NMT1: variants seen among roughly 807,000 people sequenced by gnomAD.
NMT1 encodes the protein N-myristoyltransferase 1.
Under a neutral mutation model 63.4 loss-of-function variants are expected in NMT1, and 12 were observed. That is an observed-to-expected ratio of 0.19 (90% CI 0.12 to 0.31). The LOEUF (loss-of-function observed/expected upper bound fraction) is 0.31, where lower values mean the gene tolerates loss of function less well. Ranked by LOEUF, NMT1 falls within the 10% of genes least tolerant of loss-of-function variation. NMT1 has a pLI of 1.00. For missense variants in NMT1, 432 were observed against 634.6 expected, an observed-to-expected ratio of 0.68 and a Z score of 3.43; for synonymous variants, 228 against 234.3, an observed-to-expected ratio of 0.97 and a Z score of 0.25.
At chr17:45,084,336 C>CT (rs59845744) in intron 2 of NMT1, among the ~76,000 whole-genome samples, 136,065 of 141,196 alleles carry the variant, frequency 0.96, 65,757 homozygotes, top group East Asian at 0.99. Flanking sequence ...GCTTGGTAAA[C>CT]TTTTTTTTTT....
intron 3 of NMT1, among the ~76,000 whole-genome samples, chr17:45,088,003 C>T (rs2054065483): frequency 1.3e-5 from 2 of 152,236 alleles, no homozygotes; most frequent in African/African-American, 4.8e-5. Context: ...GATTTCTGTC[C>T]ACTTTGAAAG....
At chr17:45,079,457 T>A (rs1486883642) in intron 1 of NMT1, among the ~76,000 whole-genome samples, 1 of 152,050 alleles carries the variant, frequency 6.6e-6, no homozygotes, top group Non-Finnish European at 1.5e-5. Context: ...ACACCTGTAA[T>A]CCCAGCACTT....
Position 45,080,959 on chromosome 17 carries a change from G to C in NMT1, c.132-685G>C, listed in dbSNP as rs140756501. 8.7e-4 allele frequency among the ~76,000 whole-genome samples: 133 copies of C among 152,152 alleles called. 1 individual carries two copies. The highest frequency in any genetic ancestry group is 2.9e-3 in the African/African-American group (122 of 41,510). On this transcript the variant is annotated intron_variant, in intron 1 of 11. Coordinates refer to ENST00000258960, the MANE Select transcript of NMT1 (RefSeq NM_021079.5). Reference sequence around the variant, plus strand: ...ATGTTTATATTTTTAGTAGAAACAGGGTTTTGCCATGTTGGCCAGTCTGGC... The same window carrying C: ...ATGTTTATATTTTTAGTAGAAACAGCGTTTTGCCATGTTGGCCAGTCTGGC...
intron 1 of NMT1, 37 bp downstream of exon 1, chr17:45,061,497 T>A (rs762254129): frequency 6.3e-7 from 1 of 1,594,824 alleles, no homozygotes; most frequent in Non-Finnish European, 8.6e-7. Context: ...CCGTCCAGCC[T>A]CCCACAACCT....
intron 1 of NMT1, among the ~76,000 whole-genome samples, chr17:45,068,044 C>T (rs1367175532): frequency 6.6e-6 from 1 of 152,200 alleles, no homozygotes; most frequent in Non-Finnish European, 1.5e-5. Context: ...TTAACTCTTT[C>T]TCTTCAGCTT....
rs1422769066 is a variant in NMT1, at chr17:45,098,488, G to C, written c.820G>C (p.Glu274Gln). ...IREITRRVHL[E>Q]GIFQAVYTAG... is the part of the protein sequence containing the mutation. ...AGAGATCACCAGGCGGGTTCACCTG[G>C]AGGGCATCTTCCAAGCAGTTTACAC... Residue 274 changes from glutamate (E) to glutamine (Q), a missense_variant, in exon 7 of 12, where the codon GAG becomes CAG. Transcript: ENST00000258960. 6.2e-7 allele frequency: 1 copy of C among 1,614,108 alleles called. No individual in the cohort carries two copies. Among genetic ancestry groups the C allele is most frequent in the Admixed American group, 1.7e-5 (1 of 60,000 alleles).
At chr17:45,061,910 T>G (rs2053864931) in intron 1 of NMT1, 1 of 154,564 alleles carries the variant, frequency 6.5e-6, no homozygotes. Context: ...CTATACAAAC[T>G]GTATGTATAA....
chr17:45,061,458 G>A lies in NMT1; in HGVS notation c.129G>A (p.Arg43=), dbSNP rs143955814. ...ATGAGGAGGACAACAGCTACAACCGGGGGTAACGAAATCCTCGGAGTCCAA... is the reference window on the plus strand; with the variant it reads ...ATGAGGAGGACAACAGCTACAACCGAGGGTAACGAAATCCTCGGAGTCCAA... ...CENEEDNSYN[R]GGLSPANDTG... is the part of the protein sequence containing the mutation. The change falls in exon 1 of 12, where the codon CGG becomes CGA. Residue 43 remains arginine, a splice_region_variant and synonymous_variant. Coordinates refer to ENST00000258960, the MANE Select transcript of NMT1 (RefSeq NM_021079.5). 99 of 1,612,162 alleles carry A rather than the reference G, an allele frequency of 6.1e-5. No individual in the cohort carries two copies. The highest frequency in any genetic ancestry group is 8.1e-5 in the Non-Finnish European group (95 of 1,179,332).
At chr17:45,089,750 C>T (rs2054076453) in intron 3 of NMT1, among the ~76,000 whole-genome samples, 1 of 151,994 alleles carries the variant, frequency 6.6e-6, no homozygotes, top group Non-Finnish European at 1.5e-5. Flanking sequence ...GCAATCCTCC[C>T]ACCTTAGCCT....
At chr17:45,072,069 T>C (rs1234269544) in intron 1 of NMT1, among the ~76,000 whole-genome samples, 1 of 152,026 alleles carries the variant, frequency 6.6e-6, no homozygotes, top group East Asian at 1.9e-4. Flanking sequence ...CTGGGCAACA[T>C]AGAGAAACTT....
chr17:45,071,728 T>G (rs2053940393), intron 1 of NMT1, among the ~76,000 whole-genome samples: 1 of 152,164 alleles, frequency 6.6e-6, no homozygotes, highest in Non-Finnish European at 1.5e-5. Context: ...TGTGCTTTAT[T>G]TACTTATTAG....
chr17:45,099,920 G>GC, intron 8 of NMT1: 1 of 160,966 alleles, frequency 6.2e-6, no homozygotes, highest in East Asian at 1.8e-4. Context: ...CAGGTAAAGG[G>GC]TGACCTGAGC....
At chr17:45,094,883 G>A (rs2054113983) in intron 4 of NMT1, among the ~76,000 whole-genome samples, 1 of 149,898 alleles carries the variant, frequency 6.7e-6, no homozygotes, top group Non-Finnish European at 1.5e-5. Context: ...CGCGATCTTG[G>A]CTTACCCCAA....
intron 2 of NMT1, among the ~76,000 whole-genome samples, chr17:45,082,922 C>A (rs2054025890): frequency 6.6e-6 from 1 of 152,082 alleles, no homozygotes; most frequent in South Asian, 2.1e-4. Flanking sequence ...GAGGACAAGG[C>A]AGGAGAATCG....
rs2054195995 is a variant in NMT1 at position 45,105,423 on chromosome 17, T to C, written c.1471-196T>C. ...AGGGGTGAGCTGGAGCGTGGGCCAG[T>C]TTTCCCTGGGAGGTCTGATGGACGT... On this transcript the variant is annotated intron_variant, in intron 11 of 11. Transcript: ENST00000258960. The surrounding 1 kb of genome is among the most constrained non-coding windows in gnomAD (Gnocchi z 4.2). Among the ~76,000 whole-genome samples the C allele has an allele frequency of 6.6e-6, 1 of 152,072 alleles. No individual in the cohort carries two copies. Among genetic ancestry groups the C allele is most frequent in the African/African-American group, 2.4e-5 (1 of 41,398 alleles).
chr17:45,088,530 G>A (rs984636393), intron 3 of NMT1, among the ~76,000 whole-genome samples: 3 of 152,166 alleles, frequency 2.0e-5, no homozygotes, highest in African/African-American at 4.8e-5. Context: ...CGAGGCAGGC[G>A]GATGACCTGA....
intron 1 of NMT1, among the ~76,000 whole-genome samples, chr17:45,069,222 G>C (rs2053923764): frequency 6.7e-6 from 1 of 149,826 alleles, no homozygotes; most frequent in Admixed American, 6.7e-5. Context: ...TCCTCCCAAA[G>C]TGCTGGGATT....
chr17:45,081,059 C>T (rs1334720838), intron 1 of NMT1, among the ~76,000 whole-genome samples: 2 of 152,230 alleles, frequency 1.3e-5, no homozygotes, highest in African/African-American at 2.4e-5. Flanking sequence ...TGAGCTACCA[C>T]GCCTGGCTGA....
chr17:45,104,626 AC>A lies in NMT1; in HGVS notation c.1333-232del. The A allele has an allele frequency of 7.3e-7, 1 of 1,367,640 alleles. No individual in the cohort carries two copies. The highest frequency in any genetic ancestry group is 1.7e-5 in the South Asian group (1 of 59,620). The allele number at this position is 1,367,640 out of a possible 1,614,324, so 84.7% of individuals were successfully genotyped here. On this transcript the variant is annotated intron_variant, in intron 10 of 11. Coordinates refer to ENST00000258960, the MANE Select transcript of NMT1 (RefSeq NM_021079.5). The surrounding 1 kb of genome is among the most constrained non-coding windows in gnomAD (Gnocchi z 4.2). The stretch of plus-strand genomic sequence containing the variant: ...AAGAGCCCCGGCCTGGACACTGAGT[AC>A]ATATGTGTACACTCTGAGGGACACT...
Sources: allele counts gnomAD v4.1 joint callset (sites outside exome capture counted in the v4.1 genomes callset), GRCh38; gene constraint gnomAD v4.1.1; non-coding constraint Gnocchi (gnomAD v3.1); transcripts MANE v1.5; gene names NCBI Gene and HGNC (gene_info 2026-07-23, HGNC 2026-07-21).